The following PRUNE2 variants were observed in gnomAD, a reference collection of about 807,000 sequenced individuals.
The protein encoded by PRUNE2 is prune homolog 2 with BCH domain, also known as protein prune homolog 2.
A neutral mutation model predicts 252.0 loss-of-function variants in PRUNE2; 164 were observed. That is an observed-to-expected ratio of 0.65 (90% CI 0.57 to 0.74). The LOEUF (loss-of-function observed/expected upper bound fraction) is 0.74, where lower values mean the gene tolerates loss of function less well. Ranked by LOEUF, PRUNE2 falls within the 30% of genes least tolerant of loss-of-function variation. PRUNE2 has a pLI of 0.00. For missense variants in PRUNE2, 3,495 were observed against 3,711.0 expected (o/e 0.94, Z 1.51); for synonymous variants, 1,292 against 1,350.2 (o/e 0.96, Z 0.94).
At chr9:76,768,243 A>ACT in intron 6 of PRUNE2, among the ~76,000 whole-genome samples, 1 of 152,052 alleles carries the variant, frequency 6.6e-6, no homozygotes, top group South Asian at 2.1e-4. Flanking sequence ...CCCAGGCTGG[A>ACT]GTGCAGTGGT....
intron 1 of PRUNE2, among the ~76,000 whole-genome samples, chr9:76,900,363 G>T (rs1416933812): frequency 6.6e-6 from 1 of 152,134 alleles, no homozygotes; most frequent in East Asian, 1.9e-4. Context: ...ATTTTCCAGG[G>T]TGATCTAGAG....
At chr9:76,619,458 T>C (rs868820157) in intron 17 of PRUNE2, 71 bp from the exon 18 acceptor site, 4 of 1,061,848 alleles carry the variant, frequency 3.8e-6, no homozygotes, top group East Asian at 2.5e-5. Context: ...CACAACAGAT[T>C]TGAGGCATTT....
At chr9:76,831,175 C>T (rs2058655054) in intron 4 of PRUNE2, among the ~76,000 whole-genome samples, 1 of 152,034 alleles carries the variant, frequency 6.6e-6, no homozygotes, top group South Asian at 2.1e-4. Flanking sequence ...GTGATCCGCC[C>T]ACCTCGGCCT....
intron 6 of PRUNE2, among the ~76,000 whole-genome samples, chr9:76,810,003 C>A (rs2057248284): frequency 6.6e-6 from 1 of 152,162 alleles, no homozygotes; most frequent in African/African-American, 2.4e-5. Flanking sequence ...GCTTCACGGG[C>A]AGGAAGGTTC....
intron 6 of PRUNE2, among the ~76,000 whole-genome samples, chr9:76,773,483 G>A (rs1335418127): frequency 2.3e-5 from 3 of 127,808 alleles, no homozygotes; most frequent in Non-Finnish European, 4.7e-5. Flanking sequence ...CGCTCTTGTC[G>A]CCCAGGCTGG....
chr9:76,716,088 C>A (rs776186451), intron 6 of PRUNE2, among the ~76,000 whole-genome samples: 63 of 151,960 alleles, frequency 4.1e-4, no homozygotes, highest in Non-Finnish European at 7.6e-4. Flanking sequence ...ACACTCCTGG[C>A]CGGGTCACTG....
intron 4 of PRUNE2, among the ~76,000 whole-genome samples, chr9:76,837,528 T>C (rs2059095239): frequency 6.6e-6 from 1 of 151,168 alleles, no homozygotes; most frequent in Non-Finnish European, 1.5e-5. Flanking sequence ...GTATCTGACA[T>C]GCTGTGCACA....
chr9:76,663,090 C>T (rs2039431322), intron 9 of PRUNE2, among the ~76,000 whole-genome samples: 1 of 152,160 alleles, frequency 6.6e-6, no homozygotes, highest in South Asian at 2.1e-4. Context: ...ACCCTGTGAA[C>T]CACAGAGTAC....
At chr9:76,634,026 T>G (rs1372865798) in intron 15 of PRUNE2, among the ~76,000 whole-genome samples, 1 of 151,860 alleles carries the variant, frequency 6.6e-6, no homozygotes, top group African/African-American at 2.4e-5. Flanking sequence ...GTGGGAGGAT[T>G]GCTTGATCCC....
At chr9:76,638,159 A>G in intron 13 of PRUNE2, 27 bp downstream of exon 13, 1 of 1,443,708 alleles carries the variant, frequency 6.9e-7, no homozygotes, top group Non-Finnish European at 9.8e-7. Context: ...CATTAACTCA[A>G]AGCACTTTGT....
rs375795649 is a variant in PRUNE2 at position 76,689,376 on chromosome 9, G to A, written c.8276+13961C>T. ...GACTAGATTTCTTTTCTTTTTTTGA[G>A]ACAGATTCTTGCTCTGTCACCCAGG... On this transcript the variant is annotated intron_variant, in intron 9 of 18. Coordinates refer to ENST00000376718, the MANE Select transcript of PRUNE2 (RefSeq NM_015225.3). Among the ~76,000 whole-genome samples the A allele has an allele frequency of 3.3e-4, 50 of 152,032 alleles. 2 individuals are homozygous for A. In the South Asian group the frequency reaches 0.01, roughly 32 times the overall value.
rs1468300427 is a variant in PRUNE2, at chr9:76,884,599, T to C, written c.36+21329A>G. On this transcript the variant is annotated intron_variant, in intron 1 of 18. Transcript: ENST00000376718. Reference sequence around the variant, plus strand: ...AGAAAAATACATAAGAACTGATTCTTGTTCCCCAACTTTCCACTGCCAGTG... The same window carrying C: ...AGAAAAATACATAAGAACTGATTCTCGTTCCCCAACTTTCCACTGCCAGTG... Among the ~76,000 whole-genome samples, 3 of 152,362 alleles carry C rather than the reference T, an allele frequency of 2.0e-5. No individual in the cohort carries two copies. In the Middle Eastern group the frequency reaches 0.01, roughly 518 times the overall value.
intron 9 of PRUNE2, among the ~76,000 whole-genome samples, chr9:76,666,147 G>A (rs903284156): frequency 6.6e-6 from 1 of 152,164 alleles, no homozygotes; most frequent in Admixed American, 6.5e-5. Context: ...CCACCAGAGG[G>A]CTCCTTGGTC....
chr9:76,846,357 C>T (rs1332280192), intron 4 of PRUNE2, among the ~76,000 whole-genome samples, 158 bp downstream of exon 4: 1 of 152,222 alleles, frequency 6.6e-6, no homozygotes, highest in Non-Finnish European at 1.5e-5. Context: ...TAATGCTACT[C>T]TTTAACAAAC....
intron 6 of PRUNE2, among the ~76,000 whole-genome samples, chr9:76,821,402 G>A (rs1018431915): frequency 6.6e-6 from 1 of 152,192 alleles, no homozygotes; most frequent in African/African-American, 2.4e-5. Flanking sequence ...AATATGAGTA[G>A]GGATTGGGAA....
At chr9:76,631,666 T>C (rs1169180637) in intron 15 of PRUNE2, among the ~76,000 whole-genome samples, 1 of 152,184 alleles carries the variant, frequency 6.6e-6, no homozygotes, top group Non-Finnish European at 1.5e-5. Flanking sequence ...CACAGACAAA[T>C]TACTAATTTT....
chr9:76,705,811 G>A lies in PRUNE2; in HGVS notation c.6463C>T (p.Pro2155Ser), dbSNP rs765468583. 2 of 1,613,628 alleles carry A rather than the reference G, an allele frequency of 1.2e-6. No individual in the cohort carries two copies. The highest frequency in any genetic ancestry group is 2.2e-5 in the South Asian group (2 of 91,068). Residue 2155 changes from proline (P) to serine (S), a missense_variant, in exon 8 of 19, where the codon CCA (proline) becomes TCA (serine). Transcript: ENST00000376718. Reference sequence around the variant, plus strand: ...TCAGAATCGAGTTCTGCATTGGATGGGACAAACTCCCGTCCAGGCTCATAA... The same window carrying A: ...TCAGAATCGAGTTCTGCATTGGATGAGACAAACTCCCGTCCAGGCTCATAA... ...PIYEPGREFV[P>S]SNAELDSENA... is the part of the protein sequence containing the mutation.
rs1338244348 is a variant in PRUNE2, at chr9:76,906,007, G to A, written c.-44C>T. 1.2e-6 allele frequency: 2 copies of A among 1,608,072 alleles called. No individual in the cohort carries two copies. Among genetic ancestry groups the A allele is most frequent in the Admixed American group, 3.3e-5 (2 of 60,020 alleles). On this transcript the variant is annotated 5_prime_UTR_variant, in exon 1 of 19. Transcript: ENST00000376718. ...GAACCCGGGTACTCGGAGGGGCGCAGTGGAAAATCTCGGCCCAAGGAAGAC... is the reference window on the plus strand; with the variant it reads ...GAACCCGGGTACTCGGAGGGGCGCAATGGAAAATCTCGGCCCAAGGAAGAC...
In PRUNE2 at chr9:76,905,996, G is replaced by C. The variant is rs1046864505; in HGVS notation, c.-33C>G. 6.2e-6 allele frequency: 10 copies of C among 1,612,436 alleles called. No homozygotes were observed. The highest frequency in any genetic ancestry group is 7.6e-6 in the Non-Finnish European group (9 of 1,178,638). ...CTAGGGGTTTGGAACCCGGGTACTC[G>C]GAGGGGCGCAGTGGAAAATCTCGGC... On this transcript the variant is annotated 5_prime_UTR_variant, in exon 1 of 19. Coordinates refer to ENST00000376718, the MANE Select transcript of PRUNE2 (RefSeq NM_015225.3).
Sources: allele counts gnomAD v4.1 joint callset (sites outside exome capture counted in the v4.1 genomes callset), GRCh38; gene constraint gnomAD v4.1.1; transcripts MANE v1.5; gene names NCBI Gene and HGNC (gene_info 2026-07-23, HGNC 2026-07-21).